Variants in BRD10 observed in about 807,000 individuals in gnomAD.
BRD10 encodes uncharacterized bromodomain-containing protein 10.
At chr9:5,921,389 T>C in the BRD10 span, 1 of 1,613,990 alleles carries the variant, frequency 6.2e-7, no homozygotes, top group Non-Finnish European at 8.5e-7. Context: ...ATATGCTTTA[T>C]GCAATGGAGG....
the BRD10 span, among the ~76,000 whole-genome samples, chr9:5,883,452 CCTTCTT>C: frequency 8.7e-6 from 1 of 115,112 alleles, no homozygotes; most frequent in African/African-American, 3.4e-5. Flanking sequence ...TCATCCTATT[CCTTCTT>C]CTTCTTTTTT....
chr9:5,986,332 C>T, the BRD10 span, among the ~76,000 whole-genome samples: 1 of 152,190 alleles, frequency 6.6e-6, no homozygotes, highest in Non-Finnish European at 1.5e-5. Flanking sequence ...CAGAGTATTC[C>T]ATGGTCTGTA....
chr9:5,920,327 A>G, the BRD10 span: 12 of 1,613,994 alleles, frequency 7.4e-6, no homozygotes, highest in African/African-American at 1.3e-5. Context: ...GTTAATCATA[A>G]TCTGAGTACC....
At chr9:6,004,759 T>C in the BRD10 span, among the ~76,000 whole-genome samples, 2 of 152,232 alleles carry the variant, frequency 1.3e-5, no homozygotes, top group Non-Finnish European at 2.9e-5. Flanking sequence ...CTATAGAATA[T>C]TGTTTTGAAA....
chr9:5,988,593 CA>C, the BRD10 span: 2 of 1,382,060 alleles, frequency 1.4e-6, no homozygotes, highest in Non-Finnish European at 2.0e-6. Context: ...TCTGGATAAG[CA>C]ATAAACCCCC....
At chr9:5,938,927 C>T in the BRD10 span, among the ~76,000 whole-genome samples, 5 of 152,128 alleles carry the variant, frequency 3.3e-5, no homozygotes, top group Non-Finnish European at 7.4e-5. Context: ...TTAGGGCTTA[C>T]TGAGAACTCT....
the BRD10 span, among the ~76,000 whole-genome samples, chr9:5,885,021 T>C: frequency 6.6e-6 from 1 of 152,180 alleles, no homozygotes; most frequent in Non-Finnish European, 1.5e-5. Context: ...CCACAGCTCT[T>C]GCTCTCGGGT....
chr9:5,882,280 A>T, the BRD10 span, among the ~76,000 whole-genome samples: 1 of 152,126 alleles, frequency 6.6e-6, no homozygotes. Flanking sequence ...TTCCTGAAGA[A>T]TTACTCCTTC....
chr9:5,917,705 A>G, the BRD10 span, among the ~76,000 whole-genome samples: 2 of 152,220 alleles, frequency 1.3e-5, no homozygotes, highest in African/African-American at 4.8e-5. Flanking sequence ...TACAAAAATT[A>G]TCTGGGCTAT....
At chr9:5,926,563 A>C in the BRD10 span, among the ~76,000 whole-genome samples, 1 of 151,462 alleles carries the variant, frequency 6.6e-6, no homozygotes, top group Non-Finnish European at 1.5e-5. Context: ...ACGGAGTCTC[A>C]CTCTGTTGCC....
chr9:5,939,783 G>A, the BRD10 span, among the ~76,000 whole-genome samples: 2 of 152,206 alleles, frequency 1.3e-5, no homozygotes, highest in Non-Finnish European at 2.9e-5. Flanking sequence ...GTGGAGAAAT[G>A]TCTGTGCACT....
At chr9:6,005,405 T>C in the BRD10 span, among the ~76,000 whole-genome samples, 1 of 152,276 alleles carries the variant, frequency 6.6e-6, no homozygotes, top group East Asian at 1.9e-4. Context: ...CTCGGGACGC[T>C]GAGGCACGAG....
the BRD10 span, chr9:5,920,512 A>G: frequency 1.2e-6 from 2 of 1,614,012 alleles, no homozygotes; most frequent in East Asian, 2.2e-5. Flanking sequence ...GATTTGGCAG[A>G]GAAGCAAAAT....
the BRD10 span, chr9:5,920,497 T>C: frequency 3.8e-5 from 62 of 1,613,902 alleles, no homozygotes; most frequent in Non-Finnish European, 5.0e-5. Context: ...TTACTAAAGC[T>C]TGCTGATTTG....
At chr9:5,923,924 A>G in the BRD10 span, among the ~76,000 whole-genome samples, 1 of 152,226 alleles carries the variant, frequency 6.6e-6, no homozygotes. Context: ...ATAACCAAAG[A>G]AAGTCATTAA....
the BRD10 span, among the ~76,000 whole-genome samples, chr9:5,904,886 G>C: frequency 6.6e-6 from 1 of 151,368 alleles, no homozygotes; most frequent in African/African-American, 2.4e-5. Context: ...CCATTCTCCT[G>C]ACTCAGCCTC....
the BRD10 span, among the ~76,000 whole-genome samples, chr9:5,931,638 G>A: frequency 6.6e-6 from 1 of 152,086 alleles, no homozygotes; most frequent in East Asian, 1.9e-4. Context: ...TGGGGTAGTG[G>A]TGGTATAGTA....
chr9:5,883,644 TG>T, the BRD10 span, among the ~76,000 whole-genome samples: 1 of 152,074 alleles, frequency 6.6e-6, no homozygotes, highest in East Asian at 1.9e-4. Flanking sequence ...TTTATTTTTT[TG>T]TACAGACAGG....
chr9:5,928,543 TG>T, the BRD10 span, among the ~76,000 whole-genome samples: 1 of 152,194 alleles, frequency 6.6e-6, no homozygotes, highest in African/African-American at 2.4e-5. Flanking sequence ...CGCTCTGCTC[TG>T]GTTACACTTG....
Sources: allele counts gnomAD v4.1 joint callset (sites outside exome capture counted in the v4.1 genomes callset), GRCh38; gene constraint gnomAD v4.1.1; transcripts MANE v1.5; gene names NCBI Gene and HGNC (gene_info 2026-07-23, HGNC 2026-07-21).